Variants in IMMP2L observed in about 807,000 individuals in gnomAD.
The protein encoded by IMMP2L is inner mitochondrial membrane peptidase subunit 2.
A neutral mutation model predicts 19.3 loss-of-function variants in IMMP2L; 18 were observed. That is an observed-to-expected ratio of 0.93 (90% CI 0.64 to 1.38). IMMP2L has a LOEUF of 1.38. IMMP2L is among the 40% of genes most tolerant of loss of function. The pLI, the probability that IMMP2L is intolerant of heterozygous loss-of-function variation, is 0.00. For missense variants in IMMP2L, 233 were observed against 218.2 expected, an observed-to-expected ratio of 1.07 and a Z score of -0.43; for synonymous variants, 76 against 73.0, an observed-to-expected ratio of 1.04 and a Z score of -0.21.
intron 5 of IMMP2L, among the ~76,000 whole-genome samples, chr7:110,835,402 C>T (rs1473548435): frequency 6.6e-6 from 1 of 152,016 alleles, no homozygotes; most frequent in African/African-American, 2.4e-5. Context: ...AAATTTTTGT[C>T]CTCAGATCTC....
chr7:111,304,347 CA>C (rs1328041167), intron 3 of IMMP2L, among the ~76,000 whole-genome samples: 2 of 151,588 alleles, frequency 1.3e-5, no homozygotes, highest in Non-Finnish European at 2.9e-5. Flanking sequence ...TATCTCTCAA[CA>C]AAAAATATAT....
chr7:111,175,467 T>G (rs1202219805), intron 3 of IMMP2L, among the ~76,000 whole-genome samples: 1 of 151,948 alleles, frequency 6.6e-6, no homozygotes, highest in East Asian at 1.9e-4. Flanking sequence ...GAGAAATCTA[T>G]GTTTATGCAA....
chr7:111,106,808 T>A (rs1187469630), intron 3 of IMMP2L, among the ~76,000 whole-genome samples: 1 of 151,058 alleles, frequency 6.6e-6, no homozygotes, highest in Non-Finnish European at 1.5e-5. Context: ...AAAAATGGAA[T>A]CAACACACAA....
At chr7:111,055,142 T>C (rs139488365) in intron 3 of IMMP2L, among the ~76,000 whole-genome samples, 374 of 151,912 alleles carry the variant, frequency 2.5e-3, no homozygotes, top group Middle Eastern at 6.8e-3. Flanking sequence ...TCTCAAACTC[T>C]TGGGCTCGGG....
intron 3 of IMMP2L, among the ~76,000 whole-genome samples, chr7:111,013,113 C>A (rs944715485): frequency 6.6e-6 from 1 of 151,832 alleles, no homozygotes; most frequent in African/African-American, 2.4e-5. Context: ...TTAGAAGACC[C>A]CTAGATAAAG....
At chr7:111,545,480 T>C (rs1352377035) in intron 1 of IMMP2L, among the ~76,000 whole-genome samples, 1 of 152,076 alleles carries the variant, frequency 6.6e-6, no homozygotes, top group African/African-American at 2.4e-5. Context: ...AACCTCTGCC[T>C]CCCAGGTTCA....
intron 3 of IMMP2L, among the ~76,000 whole-genome samples, chr7:111,049,292 G>A (rs1170615667): frequency 6.6e-6 from 1 of 151,554 alleles, no homozygotes; most frequent in Non-Finnish European, 1.5e-5. Context: ...CACTACGCCC[G>A]GCTAATTTTT....
intron 3 of IMMP2L, among the ~76,000 whole-genome samples, chr7:111,226,219 T>C (rs1440488533): frequency 1.3e-5 from 2 of 152,036 alleles, no homozygotes; most frequent in African/African-American, 2.4e-5. Context: ...TATGGCACAA[T>C]CACGGCTCAC....
chr7:111,164,023 T>C (rs1157318997), intron 3 of IMMP2L, among the ~76,000 whole-genome samples: 1 of 150,440 alleles, frequency 6.6e-6, no homozygotes, highest in Non-Finnish European at 1.5e-5. Flanking sequence ...GAACATAACA[T>C]TTAGAGGATT....
chr7:111,342,173 T>C (rs898684935), intron 3 of IMMP2L, among the ~76,000 whole-genome samples: 1 of 152,138 alleles, frequency 6.6e-6, no homozygotes, highest in Non-Finnish European at 1.5e-5. Context: ...ACTTTTGTAT[T>C]TGGGAGGAAG....
At chr7:111,521,863 T>C (rs1007838168) in intron 1 of IMMP2L, among the ~76,000 whole-genome samples, 6 of 152,116 alleles carry the variant, frequency 3.9e-5, no homozygotes, top group African/African-American at 1.4e-4. Flanking sequence ...TTTTCCAGCC[T>C]CCCTTGCAGC....
At chr7:111,399,981 C>T (rs1563145579) in intron 3 of IMMP2L, among the ~76,000 whole-genome samples, 1 of 152,008 alleles carries the variant, frequency 6.6e-6, no homozygotes, top group Non-Finnish European at 1.5e-5. Flanking sequence ...GAACTCAATT[C>T]CTCTAGCTAT....
chr7:111,098,781 G>A (rs1319149324), intron 3 of IMMP2L, among the ~76,000 whole-genome samples: 3 of 151,698 alleles, frequency 2.0e-5, no homozygotes, highest in Non-Finnish European at 4.4e-5. Context: ...TGAAGAACAC[G>A]AAAAGGAACC....
intron 5 of IMMP2L, chr7:110,664,846 C>T (rs1315276179): frequency 6.6e-6 from 1 of 152,070 alleles, no homozygotes; most frequent in Admixed American, 6.5e-5. Flanking sequence ...AAATGTTTTT[C>T]CTATAAACTG....
At chr7:110,856,333 T>C (rs1187229523) in intron 5 of IMMP2L, among the ~76,000 whole-genome samples, 1 of 151,988 alleles carries the variant, frequency 6.6e-6, no homozygotes, top group East Asian at 1.9e-4. Context: ...CATATATGGA[T>C]TACCACACGT....
intron 3 of IMMP2L, among the ~76,000 whole-genome samples, chr7:111,064,578 T>A (rs1312698466): frequency 6.6e-6 from 1 of 152,128 alleles, no homozygotes; most frequent in East Asian, 1.9e-4. Context: ...TCATCCCTAG[T>A]GATCCAATAG....
chr7:111,257,129 GAA>G (rs1816778546), intron 3 of IMMP2L, among the ~76,000 whole-genome samples: 1 of 151,998 alleles, frequency 6.6e-6, no homozygotes, highest in African/African-American at 2.4e-5. Flanking sequence ...TTCTAAAAGA[GAA>G]AAATCCAACA....
intron 5 of IMMP2L, among the ~76,000 whole-genome samples, chr7:110,805,964 T>C (rs1801603464): frequency 6.6e-6 from 1 of 151,782 alleles, no homozygotes; most frequent in East Asian, 1.9e-4. Context: ...CAGTGAAGAG[T>C]TAACTCCTCT....
chr7:110,713,096 G>A (rs545947998), intron 5 of IMMP2L, among the ~76,000 whole-genome samples: 2 of 152,158 alleles, frequency 1.3e-5, no homozygotes, highest in African/African-American at 2.4e-5. Flanking sequence ...TATGGTGAAA[G>A]GTAAGGGTTC....
Sources: gnomAD v4.1 joint callset for allele counts (sites outside exome capture counted in the v4.1 genomes callset) on GRCh38, gnomAD v4.1.1 for gene constraint, MANE v1.5 for transcripts, NCBI Gene and HGNC (gene_info 2026-07-23, HGNC 2026-07-21) for gene names.